ADCY9: variants seen among roughly 807,000 people sequenced by gnomAD.
ADCY9 encodes adenylate cyclase 9.
In ADCY9, 50 loss-of-function variants were observed where a neutral mutation model predicts 101.5. That is an observed-to-expected ratio of 0.49 (90% CI 0.39 to 0.62). ADCY9 has a LOEUF of 0.62. Among genes scored for constraint, ADCY9 ranks in the 20% least tolerant of loss-of-function variants. The pLI, the probability that ADCY9 is intolerant of heterozygous loss-of-function variation, is 0.00. For missense variants in ADCY9, 1,662 were observed against 1,800.4 expected, an observed-to-expected ratio of 0.92 and a Z score of 1.39; for synonymous variants, 905 against 769.3, an observed-to-expected ratio of 1.18 and a Z score of -2.92.
intron 3 of ADCY9, among the ~76,000 whole-genome samples, chr16:4,003,763 A>G (rs1194113523): frequency 1.3e-5 from 2 of 151,916 alleles, no homozygotes; most frequent in South Asian, 4.2e-4. Flanking sequence ...CCAAGGCTTG[A>G]GAAGGGTCTT....
At chr16:4,096,116 A>C (rs1211590517) in intron 2 of ADCY9, among the ~76,000 whole-genome samples, 1 of 152,226 alleles carries the variant, frequency 6.6e-6, no homozygotes, top group Non-Finnish European at 1.5e-5. Flanking sequence ...AAAGGAAGTA[A>C]AGAATCTTTT....
chr16:4,063,880 T>A (rs995785209), intron 2 of ADCY9, among the ~76,000 whole-genome samples: 1 of 152,164 alleles, frequency 6.6e-6, no homozygotes, highest in East Asian at 1.9e-4. Flanking sequence ...TGGTTCTTTG[T>A]TCAGAAACAA....
rs1436652972 is a variant in ADCY9, at chr16:4,084,263, C to G, written c.1693+29487G>C. On this transcript the variant is annotated intron_variant, in intron 2 of 10. Coordinates refer to ENST00000294016, the MANE Select transcript of ADCY9 (RefSeq NM_001116.4). ...AGTAGCTGGGATTACAGGCACCCAC[C>G]ACCACGCCCAGCTAATTTTTATATT... 3.3e-5 allele frequency among the ~76,000 whole-genome samples: 5 copies of G among 152,140 alleles called. No individual in the cohort carries two copies. The South Asian group carries it at 6.2e-4, about 19-fold the overall frequency.
At chr16:3,985,608 G>A (rs749580179) in intron 6 of ADCY9, among the ~76,000 whole-genome samples, 4 of 152,134 alleles carry the variant, frequency 2.6e-5, no homozygotes, top group South Asian at 2.1e-4. Flanking sequence ...ATGTGAGGCC[G>A]GAAGGTTTCC....
intron 2 of ADCY9, among the ~76,000 whole-genome samples, chr16:4,073,554 T>A (rs1448605618): frequency 3.3e-5 from 5 of 152,036 alleles, no homozygotes; most frequent in Admixed American, 6.6e-5. Flanking sequence ...CACCACCATA[T>A]CCAGCTAATT....
At position 3,963,586 on chromosome 16, in the gene ADCY9, G is replaced by GAAT. The variant is rs2055959793; in HGVS notation, c.*2186_*2188dup. ...CAGCTCCTTGGTTTCCCGGGGTGAG[G>GAAT]AATCACAAACACCTTTGTGGTTGGG... On this transcript the variant is annotated 3_prime_UTR_variant, in exon 11 of 11. Transcript: ENST00000294016. The GAAT allele has an allele frequency of 5.4e-6, 2 of 368,696 alleles. No individual in the cohort carries two copies. The highest frequency in any genetic ancestry group is 9.6e-6 in the Non-Finnish European group (2 of 207,510). 22.8% of individuals were successfully genotyped at this position (368,696 alleles called of 1,614,324 possible). A position where few individuals can be genotyped will look rare whatever the true frequency, so the allele number is the denominator to read the frequency against.
intron 7 of ADCY9, 52 bp from the exon 8 acceptor site, chr16:3,979,327 C>T (rs766146502): frequency 1.9e-5 from 30 of 1,599,420 alleles, no homozygotes; most frequent in African/African-American, 1.1e-4. Context: ...GGTGGGTCAT[C>T]GGCCAGGAGA....
intron 2 of ADCY9, among the ~76,000 whole-genome samples, chr16:4,108,735 C>A (rs1246245523): frequency 1.6e-5 from 2 of 122,602 alleles, no homozygotes; most frequent in Non-Finnish European, 3.4e-5. Flanking sequence ...GACAGGGTCT[C>A]ATTCTTGTCG....
rs1415189861 is a variant in ADCY9 at position 4,114,491 on chromosome 16, T to C, written c.952A>G (p.Met318Val). 1 of 1,614,088 alleles carries C rather than the reference T, an allele frequency of 6.2e-7. No individual in the cohort carries two copies. The highest frequency in any genetic ancestry group is 1.3e-5 in the African/African-American group (1 of 74,942). Reference protein sequence around the residue: ...STFLKVGQSIMHGKDLEVEKA... With the variant: ...STFLKVGQSIVHGKDLEVEKA... ...TCCACTTCCAGGTCCTTCCCGTGCA[T>C]AATGGATTGCCCCACCTTGAGGAAG... is the stretch of plus-strand genomic sequence containing the variant. Residue 318 changes from methionine to valine, a missense_variant, in exon 2 of 11, where the codon ATG (methionine) becomes GTG (valine). By Grantham distance (21) the Met-to-Val change is conservative (BLOSUM62 1). Coordinates refer to ENST00000294016, the MANE Select transcript of ADCY9 (RefSeq NM_001116.4). This position sits in a 1 kb window ranked among gnomAD's most constrained non-coding sequence, Gnocchi z 4.3.
At chr16:4,065,030 G>A (rs1417071477) in intron 2 of ADCY9, among the ~76,000 whole-genome samples, 1 of 152,188 alleles carries the variant, frequency 6.6e-6, no homozygotes, top group African/African-American at 2.4e-5. Flanking sequence ...GGCATTCGCT[G>A]CAGCCATGCC....
chr16:3,961,828 C>A (rs2055940579), downstream of ADCY9, among the ~76,000 whole-genome samples: 1 of 152,040 alleles, frequency 6.6e-6, no homozygotes, highest in Non-Finnish European at 1.5e-5. Context: ...GAGTTCGAGA[C>A]CAGTCTGGCC....
At chr16:3,988,039 A>G (rs2239306) in intron 6 of ADCY9, among the ~76,000 whole-genome samples, 7 of 150,194 alleles carry the variant, frequency 4.7e-5, no homozygotes, top group Admixed American at 2.0e-4. Flanking sequence ...TGGAGGCTGT[A>G]AGGAGGGGCT....
Position 4,083,627 on chromosome 16 carries a change from G to A in ADCY9, c.1693+30123C>T, listed in dbSNP as rs9937255. 5.2e-3 allele frequency among the ~76,000 whole-genome samples: 794 copies of A among 152,290 alleles called. 9 individuals carry two copies. Among genetic ancestry groups the A allele is most frequent in the African/African-American group, 0.018 (751 of 41,552 alleles). ...CCCAAATATCCATCAACTGAGGAAT[G>A]GATAATCAACAAAGATAAACAAAAC... On this transcript the variant is annotated intron_variant, in intron 2 of 10. Transcript: ENST00000294016.
rs79203794 is a variant in ADCY9, at chr16:3,985,530, C to A, written c.2311-2090G>T. Among the ~76,000 whole-genome samples, 563 of 152,248 alleles carry A rather than the reference C, an allele frequency of 3.7e-3. 2 individuals carry two copies. Among genetic ancestry groups the A allele is most frequent in the Non-Finnish European group, 5.7e-3 (387 of 68,000 alleles). ...TTTCTGTGGGGCTCCATCTAGTGCC[C>A]GTCAGGGGTTCGAGTCAGGGCCGGG... On this transcript the variant is annotated intron_variant, in intron 6 of 10. Coordinates refer to ENST00000294016, the MANE Select transcript of ADCY9 (RefSeq NM_001116.4).
chr16:4,111,669 C>T (rs145829207), intron 2 of ADCY9, among the ~76,000 whole-genome samples: 90 of 152,228 alleles, frequency 5.9e-4, no homozygotes, highest in African/African-American at 2.1e-3. Flanking sequence ...AGAGAAAGAG[C>T]TAAAGGAAAG....
At chr16:4,076,870 A>G (rs1334434890) in intron 2 of ADCY9, among the ~76,000 whole-genome samples, 10 of 152,186 alleles carry the variant, frequency 6.6e-5, no homozygotes, top group Non-Finnish European at 1.3e-4. Context: ...TGAGGTGAGG[A>G]GTCCGAGACC....
rs759989865 is a variant in ADCY9 at position 3,966,057 on chromosome 16, T to C, written c.3780A>G (p.Pro1260=). 7.4e-6 allele frequency: 12 copies of C among 1,614,104 alleles called. No homozygotes were observed. The highest frequency in any genetic ancestry group is 2.2e-5 in the South Asian group (2 of 91,096). ...TGCCATCCACCTGGACGCGGATGTCTGGGGAGATGGACAGCTGGTGCTGTG... is the reference window on the plus strand; with the variant it reads ...TGCCATCCACCTGGACGCGGATGTCCGGGGAGATGGACAGCTGGTGCTGTG... ...VIPQHQLSIS[P]DIRVQVDGSI... The change falls in exon 11 of 11, where the codon CCA becomes CCG. Residue 1260 remains proline, a synonymous_variant. Transcript: ENST00000294016.
chr16:4,051,212 CA>C (rs1008946143), intron 2 of ADCY9, among the ~76,000 whole-genome samples: 3 of 149,772 alleles, frequency 2.0e-5, no homozygotes, highest in African/African-American at 4.9e-5. Context: ...GATTCCATCT[CA>C]AAAAAAACAA....
chr16:3,963,321 C>T lies in ADCY9; in HGVS notation c.*2454G>A. The T allele has an allele frequency of 2.5e-6, 1 of 398,844 alleles. No homozygotes were observed. Among genetic ancestry groups the T allele is most frequent in the East Asian group, 3.6e-5 (1 of 28,048 alleles). 24.7% of individuals were successfully genotyped at this position (398,844 alleles called of 1,614,324 possible). Reference sequence around the variant, plus strand: ...AGCCCTCGTGCCAGCTGCTTAGAAACTCGTGTCTCCAGCACGATGTGCTCG... The same window carrying T: ...AGCCCTCGTGCCAGCTGCTTAGAAATTCGTGTCTCCAGCACGATGTGCTCG... On this transcript the variant is annotated 3_prime_UTR_variant, in exon 11 of 11. Transcript: ENST00000294016.
Sources: allele counts gnomAD v4.1 joint callset (sites outside exome capture counted in the v4.1 genomes callset), GRCh38; gene constraint gnomAD v4.1.1; non-coding constraint Gnocchi (gnomAD v3.1); transcripts MANE v1.5; gene names NCBI Gene and HGNC (gene_info 2026-07-23, HGNC 2026-07-21).